TBX18: variants seen among roughly 807,000 people sequenced by gnomAD.
TBX18 encodes T-box transcription factor 18.
In TBX18, 21 loss-of-function variants were observed where a neutral mutation model predicts 55.0. The ratio of observed to expected loss-of-function variants is 0.38; its 90% CI spans 0.27 to 0.55. The LOEUF (loss-of-function observed/expected upper bound fraction) is 0.55. Ranked by LOEUF, TBX18 falls within the 20% of genes least tolerant of loss-of-function variation. The probability of loss-of-function intolerance (pLI) is 0.73; values close to 1 mark genes in which losing one functional copy is unlikely to be tolerated. For synonymous variants in TBX18, 342 were observed against 326.1 expected, an observed-to-expected ratio of 1.05 and a Z score of -0.53; for missense variants, 840 against 799.6, an observed-to-expected ratio of 1.05 and a Z score of -0.61.
chr6:84,748,129 G>A (rs775921720), intron 4 of TBX18, 42 bp from the exon 5 acceptor site: 5 of 1,505,462 alleles, frequency 3.3e-6, no homozygotes, highest in Non-Finnish European at 4.5e-6. Context: ...AGAAGCCTCT[G>A]CCCAACCTCA....
intron 4 of TBX18, among the ~76,000 whole-genome samples, chr6:84,752,028 T>G (rs1767362362): frequency 6.6e-6 from 1 of 152,212 alleles, no homozygotes. Context: ...AATAATTCTA[T>G]GTGATGTGTA....
chr6:84,747,954 A>C lies in TBX18; in HGVS notation c.905T>G (p.Val302Gly), dbSNP rs1767240437. ...GVKAFSFPET[V>G]FTTVTAYQNQ... Reference sequence around the variant, plus strand: ...CTGATAGGCAGTGACGGTTGTGAAGACAGTTTCTGGAAAGGAGAATGCCTT... The same window carrying C: ...CTGATAGGCAGTGACGGTTGTGAAGCCAGTTTCTGGAAAGGAGAATGCCTT... The change falls in exon 5 of 8, where the codon GTC (valine) becomes GGC (glycine). Residue 302 changes from valine to glycine, a missense_variant. Coordinates refer to ENST00000369663, the MANE Select transcript of TBX18 (RefSeq NM_001080508.3). 6 of 1,613,070 alleles carry C rather than the reference A, an allele frequency of 3.7e-6. No individual in the cohort carries two copies. The highest frequency in any genetic ancestry group is 5.1e-6 in the Non-Finnish European group (6 of 1,179,334).
In TBX18 at chr6:84,764,062, T is replaced by C; in HGVS notation, c.120A>G (p.Lys40=). Residue 40 remains lysine (K), a synonymous_variant, in exon 1 of 8, where the codon AAA becomes AAG. Transcript: ENST00000369663. ...KQQQLQKKRR[K]LGAEEAAGAV... is the part of the protein sequence containing the mutation. ...CCCCCGCCGCCTCTTCGGCGCCCAG[T>C]TTTCGCCGCTTCTTCTGAAGCTGTT... The C allele has an allele frequency of 6.4e-7, 1 of 1,571,338 alleles. No individual in the cohort carries two copies. Among genetic ancestry groups the C allele is most frequent in the South Asian group, 1.2e-5 (1 of 86,666 alleles).
chr6:84,745,720 T>A (rs1345774742), intron 5 of TBX18, among the ~76,000 whole-genome samples: 3 of 152,146 alleles, frequency 2.0e-5, no homozygotes, highest in African/African-American at 7.2e-5. Flanking sequence ...AAATGTTCAT[T>A]TAAAATGTTG....
At chr6:84,751,332 T>A (rs529005461) in intron 4 of TBX18, among the ~76,000 whole-genome samples, 23 of 152,336 alleles carry the variant, frequency 1.5e-4, no homozygotes, top group African/African-American at 5.5e-4. Flanking sequence ...AAAATATCCT[T>A]ACCATATTTC....
At chr6:84,752,748 G>A (rs1365878765) in intron 4 of TBX18, among the ~76,000 whole-genome samples, 1 of 152,130 alleles carries the variant, frequency 6.6e-6, no homozygotes, top group Admixed American at 6.5e-5. Flanking sequence ...TGATTCTCAA[G>A]GAGAAACAGA....
intron 6 of TBX18, among the ~76,000 whole-genome samples, chr6:84,740,066 T>C (rs369460419): frequency 1.3e-5 from 2 of 152,308 alleles, no homozygotes; most frequent in East Asian, 3.9e-4. Context: ...GACTCATCTC[T>C]TAAGTCACAG....
At chr6:84,763,811 C>A (rs1338035981) in intron 1 of TBX18, 79 bp downstream of exon 1, 1 of 1,425,240 alleles carries the variant, frequency 7.0e-7, no homozygotes. Context: ...AGGGACGCGG[C>A]GCGCACGCAC....
Position 84,760,321 on chromosome 6 carries a change from C to A in TBX18, c.533G>T (p.Gly178Val), listed in dbSNP as rs751174497. ...MFPAMRVKIS[G>V]LDPHQQYYIA... Reference sequence around the variant, plus strand: ...GTAATATTGCTGGTGAGGATCTAATCCAGAGATCTTCACTCTCATTGCTGG... The same window carrying A: ...GTAATATTGCTGGTGAGGATCTAATACAGAGATCTTCACTCTCATTGCTGG... The change falls in exon 3 of 8, where the codon GGA becomes GTA. Residue 178 changes from glycine (G) to valine (V), a missense_variant. Transcript: ENST00000369663. 1 of 1,605,272 alleles carries A rather than the reference C, an allele frequency of 6.2e-7. No individual in the cohort carries two copies. The highest frequency in any genetic ancestry group is 8.5e-7 in the Non-Finnish European group (1 of 1,175,008).
chr6:84,763,021 TGGGCCTCCGCA>T, intron 1 of TBX18: 2 of 542,222 alleles, frequency 3.7e-6, no homozygotes, highest in South Asian at 2.1e-5. Context: ...CCCCACCCGC[TGGGCCTCCGCA>T]GGGCCAAGGC....
chr6:84,751,815 C>G (rs1767356756), intron 4 of TBX18, among the ~76,000 whole-genome samples: 1 of 152,144 alleles, frequency 6.6e-6, no homozygotes, highest in African/African-American at 2.4e-5. Context: ...TCAGTGTTAA[C>G]TTCTTTTGGA....
chr6:84,757,724 CAAGT>C (rs1479726616), intron 3 of TBX18, among the ~76,000 whole-genome samples: 3 of 151,674 alleles, frequency 2.0e-5, no homozygotes, highest in African/African-American at 4.8e-5. Flanking sequence ...AACAATGCCT[CAAGT>C]AAGAAATATT....
intron 4 of TBX18, among the ~76,000 whole-genome samples, chr6:84,753,083 A>C (rs1195944791): frequency 6.6e-6 from 1 of 152,222 alleles, no homozygotes; most frequent in Non-Finnish European, 1.5e-5. Flanking sequence ...TTTGTATAAA[A>C]GCCAGCATAA....
At position 84,734,476 on chromosome 6, in the gene TBX18, AC is replaced by A. The variant is rs1773886811; in HGVS notation, c.*2208del. 6.6e-6 allele frequency: 1 copy of A among 152,556 alleles called. No individual in the cohort carries two copies. 9.5% of individuals were successfully genotyped at this position (152,556 alleles called of 1,614,324 possible). A position where few individuals can be genotyped will look rare whatever the true frequency, so the allele number is the denominator to read the frequency against. ...AACATATTTTAATATAATTTTAAGT[AC>A]TTTTTAATAAAATACAGATATATAA... is the stretch of plus-strand genomic sequence containing the variant. On this transcript the variant is annotated 3_prime_UTR_variant, in exon 8 of 8. Transcript: ENST00000369663.
intron 4 of TBX18, among the ~76,000 whole-genome samples, chr6:84,752,710 C>G (rs1207252202): frequency 6.6e-6 from 1 of 152,118 alleles, no homozygotes; most frequent in Admixed American, 6.5e-5. Context: ...CCTCAGCAAC[C>G]TCCCCTATAA....
At position 84,736,138 on chromosome 6, in the gene TBX18, T is replaced by C. The variant is rs764772974; in HGVS notation, c.*547A>G. The C allele has an allele frequency of 3.9e-5, 6 of 152,568 alleles. No individual in the cohort carries two copies. Among genetic ancestry groups the C allele is most frequent in the Non-Finnish European group, 7.3e-5 (5 of 68,034 alleles). 9.5% of individuals were successfully genotyped at this position (152,568 alleles called of 1,614,324 possible). A position where few individuals can be genotyped will look rare whatever the true frequency, so the allele number is the denominator to read the frequency against. On this transcript the variant is annotated 3_prime_UTR_variant, in exon 8 of 8. Transcript: ENST00000369663. ...ATGTGTGGTAAATAATAAGCAGGAA[T>C]GAAAAAGCTGATCCTTCATGATTAC...
At chr6:84,743,178 G>A (rs1346857693) in intron 6 of TBX18, among the ~76,000 whole-genome samples, 1 of 152,168 alleles carries the variant, frequency 6.6e-6, no homozygotes. Context: ...TAAGTTGAAG[G>A]CTACTCTACT....
intron 2 of TBX18, among the ~76,000 whole-genome samples, chr6:84,761,508 T>G (rs115466909): frequency 0.01 from 1,531 of 152,300 alleles, 25 homozygotes; most frequent in African/African-American, 0.035. Flanking sequence ...AAAAGCTCTG[T>G]GAAAATGTAG....
chr6:84,757,013 C>T (rs796691889), intron 3 of TBX18, 144 bp from the exon 4 acceptor site: 10 of 886,862 alleles, frequency 1.1e-5, no homozygotes, highest in Middle Eastern at 3.3e-4. Flanking sequence ...AAATTTCAAG[C>T]GCTTTTCCAA....
Sources: gnomAD v4.1 joint callset for allele counts (sites outside exome capture counted in the v4.1 genomes callset) on GRCh38, gnomAD v4.1.1 for gene constraint, MANE v1.5 for transcripts, NCBI Gene and HGNC (gene_info 2026-07-23, HGNC 2026-07-21) for gene names.